NXN: variants seen among roughly 807,000 people sequenced by gnomAD.
The protein encoded by NXN is nucleoredoxin 1.
Under a neutral mutation model 48.6 loss-of-function variants are expected in NXN, and 16 were observed. That is an observed-to-expected ratio of 0.33 (90% CI 0.22 to 0.50). The LOEUF is 0.50. Among genes scored for constraint, NXN ranks in the 20% least tolerant of loss-of-function variants. The pLI, the probability that NXN is intolerant of heterozygous loss-of-function variation, is 0.98. For synonymous variants in NXN, 281 were observed against 269.6 expected (o/e 1.04, Z -0.41); for missense variants, 492 against 605.5 (o/e 0.81, Z 1.97).
intron 1 of NXN, among the ~76,000 whole-genome samples, chr17:881,458 C>T (rs1444973438): frequency 6.6e-6 from 1 of 152,166 alleles, no homozygotes; most frequent in Non-Finnish European, 1.5e-5. Context: ...AACTCCCGGG[C>T]TCAAGAAATC....
At chr17:899,987 C>T (rs1331555348) in intron 1 of NXN, among the ~76,000 whole-genome samples, 1 of 152,140 alleles carries the variant, frequency 6.6e-6, no homozygotes, top group Non-Finnish European at 1.5e-5. Flanking sequence ...TTCTGAGGGC[C>T]GGGCGTGGTG....
chr17:812,925 CGT>C (rs912473532), intron 5 of NXN, among the ~76,000 whole-genome samples: 175 of 100,334 alleles, frequency 1.7e-3, no homozygotes, highest in African/African-American at 4.7e-3. Context: ...TAGGTGTGTG[CGT>C]GTGTGAGTGT....
intron 1 of NXN, among the ~76,000 whole-genome samples, chr17:869,117 C>G (rs2068124963): frequency 6.6e-6 from 1 of 152,188 alleles, no homozygotes; most frequent in Admixed American, 6.5e-5. Context: ...AACCTCTAGA[C>G]TTGGGTGAAC....
At chr17:803,476 G>A (rs1911313485) in intron 7 of NXN, among the ~76,000 whole-genome samples, 1 of 152,222 alleles carries the variant, frequency 6.6e-6, no homozygotes, top group Non-Finnish European at 1.5e-5. Flanking sequence ...TGCCGAGCAT[G>A]GACGGGAAGA....
chr17:865,966 G>C (rs562529094), intron 1 of NXN, among the ~76,000 whole-genome samples: 2 of 151,870 alleles, frequency 1.3e-5, no homozygotes, highest in Non-Finnish European at 1.5e-5. Flanking sequence ...CTGGGCGACA[G>C]AGCAAGACTC....
At chr17:803,985 A>G in intron 6 of NXN, 179 bp from the exon 7 acceptor site, 3 of 728,488 alleles carry the variant, frequency 4.1e-6, no homozygotes, top group South Asian at 1.8e-5. Context: ...GTGTGTGCAC[A>G]TGCGTCCCAG....
intron 5 of NXN, among the ~76,000 whole-genome samples, chr17:811,504 G>T (rs1213585685): frequency 3.4e-5 from 5 of 146,518 alleles, no homozygotes; most frequent in East Asian, 2.0e-4. Flanking sequence ...GTAAAGCCCC[G>T]GGGTTGGGGG....
intron 1 of NXN, among the ~76,000 whole-genome samples, chr17:933,104 G>C (rs1043635764): frequency 1.3e-5 from 2 of 152,176 alleles, no homozygotes; most frequent in African/African-American, 4.8e-5. Context: ...CACGAGGACC[G>C]AGAAACGACA....
At chr17:812,870 GGGTGTGTGC>G (rs1365416196) in intron 5 of NXN, among the ~76,000 whole-genome samples, 13 of 149,646 alleles carry the variant, frequency 8.7e-5, no homozygotes, top group Admixed American at 8.7e-4. Flanking sequence ...AGGTGTGTGT[GGGTGTGTGC>G]GCACATGTGA....
chr17:835,051 G>A (rs541755837), intron 1 of NXN, among the ~76,000 whole-genome samples: 13 of 151,012 alleles, frequency 8.6e-5, no homozygotes, highest in South Asian at 6.4e-4. Context: ...GCTCACGCCC[G>A]TAATCCCAGC....
intron 1 of NXN, among the ~76,000 whole-genome samples, chr17:915,490 G>T (rs2068679545): frequency 6.6e-6 from 1 of 151,816 alleles, no homozygotes; most frequent in South Asian, 2.1e-4. Flanking sequence ...TTGCCATGTT[G>T]CCCAGACTGG....
chr17:938,222 G>A lies in NXN; in HGVS notation c.360+41097C>T, dbSNP rs115646321. Among the ~76,000 whole-genome samples the A allele has an allele frequency of 1.3e-3, 194 of 152,372 alleles. 1 individual carries two copies. Among genetic ancestry groups the A allele is most frequent in the African/African-American group, 4.5e-3 (188 of 41,588 alleles). ...AGAGGAACAAGCTTTCCACTTGGGCGGTTTTACTGCTCCAGAAAGCAGTTT... is the reference window on the plus strand; with the variant it reads ...AGAGGAACAAGCTTTCCACTTGGGCAGTTTTACTGCTCCAGAAAGCAGTTT... On this transcript the variant is annotated intron_variant, in intron 1 of 7. Transcript: ENST00000336868.
chr17:820,295 A>G (rs1017306859), intron 4 of NXN, among the ~76,000 whole-genome samples: 4 of 152,298 alleles, frequency 2.6e-5, no homozygotes, highest in African/African-American at 9.6e-5. Flanking sequence ...ATGCCTCAAT[A>G]AAGTTGATGC....
chr17:891,085 A>G lies in NXN; in HGVS notation c.361-65007T>C, dbSNP rs559520220. Reference sequence around the variant, plus strand: ...TGTCCACCCATCCGTCTGTCCGTCCATCCGTCCGTCCATCCGTCCATCTCA... The same window carrying G: ...TGTCCACCCATCCGTCTGTCCGTCCGTCCGTCCGTCCATCCGTCCATCTCA... On this transcript the variant is annotated intron_variant, in intron 1 of 7. Coordinates refer to ENST00000336868, the MANE Select transcript of NXN (RefSeq NM_022463.5). Among the ~76,000 whole-genome samples the G allele has an allele frequency of 3.3e-5, 4 of 121,798 alleles. No homozygotes were observed. The East Asian group carries it at 6.2e-4, about 19-fold the overall frequency. 79.9% of individuals were successfully genotyped at this position (121,798 alleles called of 152,430 possible). A position where few individuals can be genotyped will look rare whatever the true frequency, so the allele number is the denominator to read the frequency against.
At chr17:829,656 G>A (rs1913345168) in intron 1 of NXN, among the ~76,000 whole-genome samples, 1 of 151,984 alleles carries the variant, frequency 6.6e-6, no homozygotes, top group Admixed American at 6.6e-5. Flanking sequence ...AGTGTGTGAT[G>A]TTCCCCTCCC....
chr17:838,432 A>C (rs1567825814), intron 1 of NXN, among the ~76,000 whole-genome samples: 1 of 151,932 alleles, frequency 6.6e-6, no homozygotes, highest in Non-Finnish European at 1.5e-5. Flanking sequence ...GCGCCCGGCC[A>C]TAACAGTGAA....
chr17:863,837 T>A lies in NXN; in HGVS notation c.361-37759A>T, dbSNP rs1270660342. On this transcript the variant is annotated intron_variant, in intron 1 of 7. Coordinates refer to ENST00000336868, the MANE Select transcript of NXN (RefSeq NM_022463.5). ...TGGACCCTTGCAATTCAAATCCACGTCATTCAAGGATCAACTGTCCTTCAG... is the reference window on the plus strand; with the variant it reads ...TGGACCCTTGCAATTCAAATCCACGACATTCAAGGATCAACTGTCCTTCAG... 4 of 841,592 alleles carry A rather than the reference T, an allele frequency of 4.8e-6. No individual in the cohort carries two copies. In the East Asian group the frequency reaches 1.1e-4, roughly 22 times the overall value. The allele number at this position is 841,592 out of a possible 1,614,324, so 52.1% of individuals were successfully genotyped here. A position where few individuals can be genotyped will look rare whatever the true frequency, so the allele number is the denominator to read the frequency against.
intron 5 of NXN, among the ~76,000 whole-genome samples, chr17:810,748 G>A (rs887318756): frequency 6.6e-6 from 1 of 152,080 alleles, no homozygotes; most frequent in Non-Finnish European, 1.5e-5. Context: ...AATTAGCTGG[G>A]CGTGGTAGCG....
chr17:942,986 C>T (rs1261651543), intron 1 of NXN, among the ~76,000 whole-genome samples: 3 of 116,284 alleles, frequency 2.6e-5, no homozygotes, highest in Non-Finnish European at 3.5e-5. Flanking sequence ...CAGCCATGAA[C>T]TCACATCACA....
Sources: allele counts gnomAD v4.1 joint callset (sites outside exome capture counted in the v4.1 genomes callset), GRCh38; gene constraint gnomAD v4.1.1; transcripts MANE v1.5; gene names NCBI Gene and HGNC (gene_info 2026-07-23, HGNC 2026-07-21).